Variants in SENP7 observed in about 807,000 individuals in gnomAD.
The protein encoded by SENP7 is SUMO specific peptidase 7, also known as sentrin-specific protease 7.
In SENP7, 64 loss-of-function variants were observed where a neutral mutation model predicts 141.2. The observed-to-expected ratio is 0.45, with a 90% CI of 0.37 to 0.56. The LOEUF is 0.56. SENP7 is among the 20% of genes least tolerant of loss of function. The pLI is 0.00. For synonymous variants in SENP7, 382 were observed against 426.4 expected (o/e 0.90, Z 1.28); for missense variants, 1,025 against 1,212.2 (o/e 0.85, Z 2.29).
chr3:101,485,384 A>C (rs1293054201), intron 3 of SENP7, among the ~76,000 whole-genome samples: 1 of 152,096 alleles, frequency 6.6e-6, no homozygotes, highest in Non-Finnish European at 1.5e-5. Context: ...CCACTGGAAA[A>C]GGCATTGGTA....
chr3:101,387,171 G>A (rs772677498), intron 6 of SENP7, among the ~76,000 whole-genome samples: 90 of 152,158 alleles, frequency 5.9e-4, no homozygotes, highest in Non-Finnish European at 9.4e-4. Context: ...CACAATCAGA[G>A]AGCATAAGAC....
intron 19 of SENP7, among the ~76,000 whole-genome samples, 184 bp from the exon 20 acceptor site, chr3:101,330,570 G>A (rs1225937020): frequency 1.3e-5 from 2 of 152,094 alleles, no homozygotes; most frequent in Non-Finnish European, 2.9e-5. Flanking sequence ...ACTGACAATG[G>A]TTGGCTGTTA....
At chr3:101,376,148 C>G (rs1239916472) in intron 6 of SENP7, among the ~76,000 whole-genome samples, 2 of 152,038 alleles carry the variant, frequency 1.3e-5, no homozygotes, top group African/African-American at 4.8e-5. Flanking sequence ...TTAGAATAGT[C>G]AAATTCATAC....
At chr3:101,332,223 T>C (rs1276027376) in intron 18 of SENP7, 114 bp from the exon 19 acceptor site, 2 of 1,034,962 alleles carry the variant, frequency 1.9e-6, no homozygotes, top group Non-Finnish European at 2.7e-6. Context: ...TTTGAAGACA[T>C]CCACTGTAAC....
At chr3:101,375,283 C>T (rs1357339478) in intron 6 of SENP7, among the ~76,000 whole-genome samples, 5 of 152,082 alleles carry the variant, frequency 3.3e-5, no homozygotes, top group African/African-American at 1.2e-4. Flanking sequence ...TGGCTCACGC[C>T]TGTAATCCCA....
intron 1 of SENP7, among the ~76,000 whole-genome samples, chr3:101,505,841 T>C (rs2065581790): frequency 6.6e-6 from 1 of 152,100 alleles, no homozygotes; most frequent in Admixed American, 6.6e-5. Context: ...GACTAACACA[T>C]AGTTAGTGCA....
chr3:101,413,662 G>A (rs946920553), intron 5 of SENP7, among the ~76,000 whole-genome samples: 4 of 147,842 alleles, frequency 2.7e-5, no homozygotes, highest in Non-Finnish European at 1.5e-5. Flanking sequence ...AAGCTGTTTA[G>A]CAAGAAAAAG....
At chr3:101,378,479 T>C (rs1251445933) in intron 6 of SENP7, among the ~76,000 whole-genome samples, 1 of 151,600 alleles carries the variant, frequency 6.6e-6, no homozygotes, top group East Asian at 1.9e-4. Flanking sequence ...CTTGAGTATA[T>C]AGAAATAGAA....
intron 10 of SENP7, among the ~76,000 whole-genome samples, chr3:101,362,179 T>A (rs2059920161): frequency 6.6e-6 from 1 of 152,192 alleles, no homozygotes; most frequent in Admixed American, 6.5e-5. Context: ...ATTTTTAACT[T>A]GACAGAAGAA....
intron 3 of SENP7, among the ~76,000 whole-genome samples, chr3:101,469,830 CAAAAAAAAAA>C (rs58498056): frequency 4.0e-5 from 1 of 24,730 alleles, no homozygotes; most frequent in African/African-American, 1.5e-4. Flanking sequence ...GACTCCGTCT[CAAAAAAAAAA>C]AAAAAAAAAA....
At chr3:101,387,142 T>C (rs1198511879) in intron 6 of SENP7, among the ~76,000 whole-genome samples, 2 of 152,074 alleles carry the variant, frequency 1.3e-5, no homozygotes, top group Admixed American at 6.5e-5. Flanking sequence ...CCCTACCCAA[T>C]GCAGCCGGTG....
intron 2 of SENP7, among the ~76,000 whole-genome samples, chr3:101,497,839 G>T (rs542706701): frequency 6.6e-6 from 1 of 152,314 alleles, no homozygotes; most frequent in Admixed American, 6.5e-5. Context: ...GTCTCACTCT[G>T]TTATCCAGGC....
chr3:101,399,084 T>A (rs1207469181), intron 5 of SENP7, 29 bp from the exon 6 acceptor site: 11 of 1,375,780 alleles, frequency 8.0e-6, no homozygotes, highest in Non-Finnish European at 1.1e-5. Context: ...AACACTGTAC[T>A]GTACTGAAGT....
chr3:101,360,699 G>A (rs2107341629), intron 11 of SENP7, among the ~76,000 whole-genome samples: 1 of 152,264 alleles, frequency 6.6e-6, no homozygotes, highest in African/African-American at 2.4e-5. Flanking sequence ...AGCTTAAAAG[G>A]TTAATGGAGA....
chr3:101,379,357 G>C (rs2060430231), intron 6 of SENP7, among the ~76,000 whole-genome samples: 2 of 152,058 alleles, frequency 1.3e-5, no homozygotes, highest in Non-Finnish European at 2.9e-5. Flanking sequence ...CAAAAGCACA[G>C]TCAACTAAAG....
At chr3:101,476,529 T>C (rs1246678531) in intron 3 of SENP7, among the ~76,000 whole-genome samples, 1 of 152,194 alleles carries the variant, frequency 6.6e-6, no homozygotes, top group Non-Finnish European at 1.5e-5. Context: ...TCCAAGTCTT[T>C]GCTATTGTGA....
chr3:101,327,435 T>C (rs1333537951), intron 23 of SENP7, among the ~76,000 whole-genome samples: 2 of 152,096 alleles, frequency 1.3e-5, no homozygotes, highest in African/African-American at 4.8e-5. Flanking sequence ...TTCTCCTTGC[T>C]GCTATCATGT....
At chr3:101,370,199 T>C (rs2060139586) in intron 7 of SENP7, among the ~76,000 whole-genome samples, 1 of 152,210 alleles carries the variant, frequency 6.6e-6, no homozygotes, top group Non-Finnish European at 1.5e-5. Context: ...CTGATGCATG[T>C]CTAAAATGCC....
chr3:101,441,587 C>T (rs2062675818), intron 4 of SENP7, among the ~76,000 whole-genome samples: 2 of 152,178 alleles, frequency 1.3e-5, no homozygotes, highest in Admixed American at 1.3e-4. Context: ...ATTGCCAATG[C>T]CCAAGTGGCC....
Sources: allele counts gnomAD v4.1 joint callset (sites outside exome capture counted in the v4.1 genomes callset), GRCh38; gene constraint gnomAD v4.1.1; transcripts MANE v1.5; gene names NCBI Gene and HGNC (gene_info 2026-07-23, HGNC 2026-07-21).